The following FCF1 variants were observed in gnomAD, a reference collection of about 807,000 sequenced individuals.
FCF1 encodes FCF1 rRNA-processing protein, also known as rRNA-processing protein FCF1 homolog.
Under a neutral mutation model 32.5 loss-of-function variants are expected in FCF1, and 17 were observed. The observed-to-expected ratio is 0.52, with a 90% CI of 0.36 to 0.78. The LOEUF is 0.78. Among genes scored for constraint, FCF1 ranks in the 30% least tolerant of loss-of-function variants. The pLI, the probability that FCF1 is intolerant of heterozygous loss-of-function variation, is 0.00. For missense variants in FCF1, 201 were observed against 241.1 expected (o/e 0.83, Z 1.10); for synonymous variants, 84 against 78.4 (o/e 1.07, Z -0.38).
rs1391008054 is a variant in FCF1 at position 74,738,343 on chromosome 14, A to T, written c.*3413A>T. Reference sequence around the variant, plus strand: ...TTCTAAGCTATGGAAGCATTAGGAAAATAAATGTAAAGAAAAACGTGTTTA... The same window carrying T: ...TTCTAAGCTATGGAAGCATTAGGAATATAAATGTAAAGAAAAACGTGTTTA... On this transcript the variant is annotated 3_prime_UTR_variant, in exon 8 of 8. Transcript: ENST00000341162. 1 of 152,254 alleles carries T rather than the reference A, an allele frequency of 6.6e-6. No individual in the cohort carries two copies. Among genetic ancestry groups the T allele is most frequent in the Non-Finnish European group, 1.5e-5 (1 of 68,042 alleles). 9.4% of individuals were successfully genotyped at this position (152,254 alleles called of 1,614,324 possible). A position where few individuals can be genotyped will look rare whatever the true frequency, so the allele number is the denominator to read the frequency against.
chr14:74,736,692 T>A lies in FCF1; in HGVS notation c.*1762T>A, dbSNP rs1416778103. The A allele has an allele frequency of 6.6e-6, 1 of 152,156 alleles. No homozygotes were observed. Among genetic ancestry groups the A allele is most frequent in the Non-Finnish European group, 1.5e-5 (1 of 68,030 alleles). The allele number at this position is 152,156 out of a possible 1,614,324, so 9.4% of individuals were successfully genotyped here. A position where few individuals can be genotyped will look rare whatever the true frequency, so the allele number is the denominator to read the frequency against. ...TAAATTGTCAATTTACAATAAAAAA[T>A]TTTTGTTGCGTCTTTTTAGAAATCA... On this transcript the variant is annotated 3_prime_UTR_variant, in exon 8 of 8. Coordinates refer to ENST00000341162, the MANE Select transcript of FCF1 (RefSeq NM_015962.5).
intron 4 of FCF1, among the ~76,000 whole-genome samples, chr14:74,717,215 G>A (rs1390402237): frequency 6.6e-6 from 1 of 152,118 alleles, no homozygotes; most frequent in East Asian, 1.9e-4. Context: ...AATTAGCTGG[G>A]CGTGGTGGCA....
Position 74,716,106 on chromosome 14 carries a change from A to G in FCF1, c.292+7A>G. 3 of 1,610,070 alleles carry G rather than the reference A, an allele frequency of 1.9e-6. No homozygotes were observed. Among genetic ancestry groups the G allele is most frequent in the Non-Finnish European group, 2.6e-6 (3 of 1,176,440 alleles). ...GACTGTCTGTATGCCAAGTGTGAGT[A>G]TCATACTTTTATGTTTCCGTGACAT... On this transcript the variant is annotated splice_region_variant and intron_variant, in intron 4 of 7. Coordinates refer to ENST00000341162, the MANE Select transcript of FCF1 (RefSeq NM_015962.5).
At position 74,734,069 on chromosome 14, in the gene FCF1, C is replaced by T; in HGVS notation, c.454-7C>T. The T allele has an allele frequency of 6.2e-7, 1 of 1,605,950 alleles. No individual in the cohort carries two copies. Among genetic ancestry groups the T allele is most frequent in the Non-Finnish European group, 8.5e-7 (1 of 1,172,680 alleles). ...TCAGTGTGAACATCACTCCATGTCT[C>T]TTACAGCATAAGTGTTACATTGTGG... On this transcript the variant is annotated splice_region_variant and splice_polypyrimidine_tract_variant and intron_variant, in intron 6 of 7. Coordinates refer to ENST00000341162, the MANE Select transcript of FCF1 (RefSeq NM_015962.5).
rs1394791665 is a variant in FCF1 at position 74,738,183 on chromosome 14, T to C, written c.*3253T>C. 1 of 152,002 alleles carries C rather than the reference T, an allele frequency of 6.6e-6. No individual in the cohort carries two copies. The highest frequency in any genetic ancestry group is 1.5e-5 in the Non-Finnish European group (1 of 68,008). The allele number at this position is 152,002 out of a possible 1,614,324, so 9.4% of individuals were successfully genotyped here. A position where few individuals can be genotyped will look rare whatever the true frequency, so the allele number is the denominator to read the frequency against. ...CAGCCTTGACCTTCCCAGGCCCTGA[T>C]GATCCACCCCAGCCTCTCAAGTAGC... On this transcript the variant is annotated 3_prime_UTR_variant, in exon 8 of 8. Coordinates refer to ENST00000341162, the MANE Select transcript of FCF1 (RefSeq NM_015962.5).
rs1036878727 is a variant in FCF1, at chr14:74,713,498, A to G, written c.17A>G (p.Lys6Arg). ...TTCTGTTTCAAGGGGAAGCAAAAGA[A>G]AACAAGGAAGTATGCGACCATGAAG... MGKQK[K>R]TRKYATMKRM... Residue 6 changes from lysine to arginine, a missense_variant, in exon 2 of 8, where the codon AAA becomes AGA. Physicochemically the swap from Lys to Arg is conservative, Grantham distance 26. This residue lies in a region of FCF1 where 76 missense variants were observed against 75.0 expected (regional missense o/e 1.01). Coordinates refer to ENST00000341162, the MANE Select transcript of FCF1 (RefSeq NM_015962.5). 6 of 1,612,668 alleles carry G rather than the reference A, an allele frequency of 3.7e-6. No individual in the cohort carries two copies. Among genetic ancestry groups the G allele is most frequent in the Non-Finnish European group, 5.1e-6 (6 of 1,179,988 alleles).
chr14:74,723,828 C>CA (rs11396572), intron 5 of FCF1, among the ~76,000 whole-genome samples: 49,983 of 111,516 alleles, frequency 0.45, 10,462 homozygotes, highest in Middle Eastern at 0.57. Flanking sequence ...AACTCTGTCT[C>CA]AAAAAAAAAA....
chr14:74,735,465 A>C lies in FCF1; in HGVS notation c.*535A>C. The C allele has an allele frequency of 6.6e-6, 1 of 152,480 alleles. No individual in the cohort carries two copies. Among genetic ancestry groups the C allele is most frequent in the East Asian group, 1.9e-4 (1 of 5,194 alleles). The allele number at this position is 152,480 out of a possible 1,614,324, so 9.4% of individuals were successfully genotyped here. ...CATGCAACTGAATTTCTGCTTACAC[A>C]TTTTTAAATTTCTTTTAATTGCTTT... On this transcript the variant is annotated 3_prime_UTR_variant, in exon 8 of 8. Transcript: ENST00000341162.
chr14:74,724,332 G>A (rs1033278464), intron 5 of FCF1, among the ~76,000 whole-genome samples: 2 of 152,174 alleles, frequency 1.3e-5, no homozygotes, highest in East Asian at 1.9e-4. Context: ...CACCCAGGCT[G>A]GAGTGCAGTG....
intron 2 of FCF1, among the ~76,000 whole-genome samples, chr14:74,714,361 T>C (rs180788880): frequency 3.9e-5 from 6 of 152,334 alleles, no homozygotes; most frequent in Admixed American, 3.3e-4. Flanking sequence ...ATTCTCAGCC[T>C]TTAGTGTGGA....
intron 4 of FCF1, among the ~76,000 whole-genome samples, chr14:74,716,695 A>G (rs1375971065): frequency 3.9e-5 from 6 of 152,214 alleles, no homozygotes; most frequent in Admixed American, 3.3e-4. Context: ...CATGAACAGG[A>G]AAAAGAAAAG....
At chr14:74,733,284 G>A (rs932780071) in intron 6 of FCF1, among the ~76,000 whole-genome samples, 5 of 152,168 alleles carry the variant, frequency 3.3e-5, no homozygotes, top group Non-Finnish European at 7.3e-5. Context: ...AGAATAAGTA[G>A]GTTTTTAATT....
intron 4 of FCF1, among the ~76,000 whole-genome samples, chr14:74,720,649 C>T (rs943167669): frequency 6.6e-6 from 1 of 152,058 alleles, no homozygotes; most frequent in East Asian, 1.9e-4. Context: ...TATAAATGGG[C>T]CTCATTCTTT....
chr14:74,721,801 A>C (rs182964449), intron 4 of FCF1, among the ~76,000 whole-genome samples: 2 of 152,202 alleles, frequency 1.3e-5, no homozygotes, highest in Non-Finnish European at 2.9e-5. Flanking sequence ...TAAACCCAGT[A>C]TCTTATTAGG....
At chr14:74,724,722 T>C (rs1368050246) in intron 5 of FCF1, among the ~76,000 whole-genome samples, 2 of 152,106 alleles carry the variant, frequency 1.3e-5, no homozygotes, top group Non-Finnish European at 2.9e-5. Context: ...CTGGGCATCA[T>C]GGTGAAACCC....
rs190595175 is a variant in FCF1, at chr14:74,728,833, G to T, written c.366-3898G>T. On this transcript the variant is annotated intron_variant, in intron 5 of 7. Transcript: ENST00000341162. ...TGAAGCGATGTTGACTTTTGCCAAA[G>T]GCCTTTTCTGCATCTATTGAGATAA... is the stretch of plus-strand genomic sequence containing the variant. Among the ~76,000 whole-genome samples the T allele has an allele frequency of 2.2e-3, 339 of 152,280 alleles. 1 individual carries two copies. The highest frequency in any genetic ancestry group is 7.7e-3 in the African/African-American group (319 of 41,562).
intron 4 of FCF1, among the ~76,000 whole-genome samples, chr14:74,721,562 G>A (rs999709092): frequency 1.8e-4 from 28 of 152,144 alleles, no homozygotes; most frequent in Admixed American, 1.3e-3. Flanking sequence ...TTAGCTGGGC[G>A]TGGTGGAGGG....
At chr14:74,718,550 T>A (rs1401243420) in intron 4 of FCF1, among the ~76,000 whole-genome samples, 1 of 152,034 alleles carries the variant, frequency 6.6e-6, no homozygotes, top group African/African-American at 2.4e-5. Flanking sequence ...CTCTGCTCAC[T>A]GCAACCTCTG....
intron 6 of FCF1, 117 bp from the exon 7 acceptor site, chr14:74,733,959 C>T (rs1177849266): frequency 6.0e-6 from 4 of 664,790 alleles, no homozygotes; most frequent in Non-Finnish European, 1.1e-5. Flanking sequence ...GCCTGCCCTT[C>T]GCTACTTACT....
Sources: allele counts gnomAD v4.1 joint callset (sites outside exome capture counted in the v4.1 genomes callset), GRCh38; gene constraint gnomAD v4.1.1; regional missense constraint gnomAD v4.1.1; transcripts MANE v1.5; gene names NCBI Gene and HGNC (gene_info 2026-07-23, HGNC 2026-07-21).